Variants in PCDH15 observed in about 807,000 individuals in gnomAD.
The protein encoded by PCDH15 is protocadherin-15.
PCDH15 carries 129 observed loss-of-function variants against 178.5 expected under a neutral mutation model. The ratio of observed to expected loss-of-function variants is 0.72; its 90% CI spans 0.63 to 0.84. The LOEUF (loss-of-function observed/expected upper bound fraction) is 0.84, where lower values mean the gene tolerates loss of function less well. Ranked by LOEUF, PCDH15 falls within the 40% of genes least tolerant of loss-of-function variation. PCDH15 has a pLI of 0.00. For missense variants in PCDH15, 2,230 were observed against 2,099.9 expected (o/e 1.06, Z -1.21); for synonymous variants, 800 against 732.0 (o/e 1.09, Z -1.50).
At chr10:55,434,105 G>T (rs1200431487) in intron 2 of PCDH15, among the ~76,000 whole-genome samples, 1 of 76,718 alleles carries the variant, frequency 1.3e-5, no homozygotes. Flanking sequence ...TTTTGAGATG[G>T]TGTCTCTCTC....
At chr10:55,232,992 T>C (rs1409663430) in intron 1 of PCDH15, among the ~76,000 whole-genome samples, 1 of 152,138 alleles carries the variant, frequency 6.6e-6, no homozygotes, top group African/African-American at 2.4e-5. Context: ...TGTTCATTGC[T>C]TTAAACCACT....
intron 1 of PCDH15, among the ~76,000 whole-genome samples, chr10:55,215,775 T>G (rs563981951): frequency 6.6e-6 from 1 of 152,138 alleles, no homozygotes; most frequent in South Asian, 2.1e-4. Flanking sequence ...TTTCATGTTC[T>G]TCCAAAATTA....
intron 1 of PCDH15, among the ~76,000 whole-genome samples, chr10:55,300,579 T>G (rs533452601): frequency 3.3e-5 from 5 of 152,164 alleles, no homozygotes; most frequent in Non-Finnish European, 7.4e-5. Flanking sequence ...CACCCAATAT[T>G]TACATCAACA....
At chr10:54,202,800 G>A (rs1269313159) in intron 10 of PCDH15, among the ~76,000 whole-genome samples, 5 of 95,756 alleles carry the variant, frequency 5.2e-5, no homozygotes, top group Non-Finnish European at 7.9e-5. Context: ...CAACAAGAGC[G>A]AAACCCCACC....
intron 8 of PCDH15, among the ~76,000 whole-genome samples, chr10:54,291,468 AT>A (rs1179147102): frequency 6.6e-6 from 1 of 152,212 alleles, no homozygotes; most frequent in Admixed American, 6.5e-5. Context: ...GAAATAAGTA[AT>A]ATCAGAGCAG....
At chr10:54,513,553 GTCA>G (rs1193656332) in intron 3 of PCDH15, among the ~76,000 whole-genome samples, 2 of 151,844 alleles carry the variant, frequency 1.3e-5, no homozygotes, top group African/African-American at 4.8e-5. Context: ...CAAAATTTTT[GTCA>G]TCATTGTAGA....
In PCDH15 at chr10:53,822,371, AGAAGGAGGAGAG is replaced by A. The variant is rs1469315429; in HGVS notation, c.4368-2153_4368-2142del. ...TAGGAGGAGGAAGAGGAAGAGGGATAGAAGGAGGAGAGGGAGGAGGACAAAAAAGAGAAAAAG... is the reference window on the plus strand; with the variant it reads ...TAGGAGGAGGAAGAGGAAGAGGGATAGGAGGAGGACAAAAAAGAGAAAAAG... On this transcript the variant is annotated intron_variant, in intron 32 of 37. Coordinates refer to ENST00000644397, the MANE Select transcript of PCDH15 (RefSeq NM_001384140.1). The A allele has an allele frequency of 2.5e-6, 4 of 1,574,656 alleles. No homozygotes were observed. In the East Asian group the frequency reaches 7.1e-5, roughly 28 times the overall value.
intron 3 of PCDH15, among the ~76,000 whole-genome samples, chr10:54,821,483 A>G (rs1363433550): frequency 3.9e-5 from 6 of 152,254 alleles, no homozygotes; most frequent in Non-Finnish European, 7.4e-5. Flanking sequence ...ACAAATCATG[A>G]CAAGCTACGT....
chr10:54,076,933 C>T (rs930497005), intron 17 of PCDH15, among the ~76,000 whole-genome samples: 2 of 152,038 alleles, frequency 1.3e-5, no homozygotes, highest in Non-Finnish European at 2.9e-5. Context: ...CTGTTTTAAA[C>T]CACATGATTC....
intron 28 of PCDH15, among the ~76,000 whole-genome samples, chr10:53,851,172 G>T (rs905070181): frequency 1.3e-5 from 2 of 151,978 alleles, no homozygotes; most frequent in African/African-American, 2.4e-5. Context: ...TGTCTTCTCA[G>T]ATTTCAACTT....
intron 2 of PCDH15, among the ~76,000 whole-genome samples, chr10:55,028,847 C>T (rs1191295376): frequency 1.3e-5 from 2 of 152,020 alleles, no homozygotes; most frequent in Non-Finnish European, 2.9e-5. Flanking sequence ...AACTACATAT[C>T]ACCAACAACT....
chr10:53,887,051 C>G (rs2081151523), intron 26 of PCDH15, among the ~76,000 whole-genome samples: 1 of 152,124 alleles, frequency 6.6e-6, no homozygotes, highest in East Asian at 1.9e-4. Context: ...CCAAATGATA[C>G]TATACTAGCT....
intron 26 of PCDH15, among the ~76,000 whole-genome samples, chr10:53,900,836 C>G (rs1295022792): frequency 1.3e-5 from 2 of 152,144 alleles, no homozygotes; most frequent in African/African-American, 4.8e-5. Context: ...ATGCCACCCA[C>G]TAAATTTCCT....
chr10:54,514,805 C>G (rs73258145), intron 3 of PCDH15, among the ~76,000 whole-genome samples: 1,854 of 152,192 alleles, frequency 0.012, 49 homozygotes, highest in African/African-American at 0.042. Context: ...AACTTTCATA[C>G]TTGCTATGCA....
At chr10:54,419,643 T>C (rs1954966352) in intron 3 of PCDH15, among the ~76,000 whole-genome samples, 2 of 152,222 alleles carry the variant, frequency 1.3e-5, no homozygotes, top group South Asian at 4.1e-4. Flanking sequence ...ATTTCTCTGC[T>C]CAAATACAAT....
At chr10:54,853,285 G>GTATGTGTA (rs763063871) in intron 3 of PCDH15, among the ~76,000 whole-genome samples, 1 of 85,288 alleles carries the variant, frequency 1.2e-5, no homozygotes, top group Non-Finnish European at 2.6e-5. Flanking sequence ...GTGTATGTAT[G>GTATGTGTA]TGTGTATATA....
intron 17 of PCDH15, among the ~76,000 whole-genome samples, chr10:54,074,907 G>T (rs570204025): frequency 6.6e-6 from 1 of 151,890 alleles, no homozygotes; most frequent in Admixed American, 6.6e-5. Context: ...TTATAATAGC[G>T]TCTCTACTGG....
chr10:55,232,661 A>T (rs375704417), intron 1 of PCDH15, among the ~76,000 whole-genome samples: 7 of 152,118 alleles, frequency 4.6e-5, no homozygotes, highest in African/African-American at 1.7e-4. Context: ...ATTTTATTTC[A>T]CTCTCTTATC....
chr10:53,978,635 C>T (rs1046434390), intron 21 of PCDH15, among the ~76,000 whole-genome samples: 1 of 148,784 alleles, frequency 6.7e-6, no homozygotes, highest in Non-Finnish European at 1.5e-5. Flanking sequence ...CTGCTGCCAA[C>T]TGGAATTCCT....
Sources: allele counts gnomAD v4.1 joint callset (sites outside exome capture counted in the v4.1 genomes callset), GRCh38; gene constraint gnomAD v4.1.1; transcripts MANE v1.5; gene names NCBI Gene and HGNC (gene_info 2026-07-23, HGNC 2026-07-21).